The following DOCK6 variants were observed in gnomAD, a reference collection of about 807,000 sequenced individuals.
DOCK6 encodes dedicator of cytokinesis protein 6.
In DOCK6, 167 loss-of-function variants were observed where a neutral mutation model predicts 230.3. That is an observed-to-expected ratio of 0.73 (90% confidence interval 0.64 to 0.82). DOCK6 has a LOEUF of 0.82. Among genes scored for constraint, DOCK6 ranks in the 40% least tolerant of loss-of-function variants. DOCK6 has a pLI of 0.00. For missense variants in DOCK6, 2,598 were observed against 2,825.8 expected, an observed-to-expected ratio of 0.92 and a Z score of 1.83; for synonymous variants, 1,148 against 1,185.0, an observed-to-expected ratio of 0.97 and a Z score of 0.64.
intron 24 of DOCK6, among the ~76,000 whole-genome samples, chr19:11,224,165 T>G (rs1401789366): frequency 6.7e-6 from 1 of 149,854 alleles, no homozygotes; most frequent in African/African-American, 2.5e-5. Context: ...TTGCAATTAC[T>G]TTCAATGGCA....
At chr19:11,207,337 G>C (rs911841265) in intron 39 of DOCK6, among the ~76,000 whole-genome samples, 1 of 152,012 alleles carries the variant, frequency 6.6e-6, no homozygotes, top group Non-Finnish European at 1.5e-5. Flanking sequence ...TGGGACTACA[G>C]GTGCATGCCA....
At position 11,215,489 on chromosome 19, in the gene DOCK6, A is replaced by G. The variant is rs775836085; in HGVS notation, c.4022-18T>C. 6 of 1,604,578 alleles carry G rather than the reference A, an allele frequency of 3.7e-6. No individual in the cohort carries two copies. In the Admixed American group the frequency reaches 1.0e-4, roughly 27 times the overall value. ...GCTCCTCTCTGAGACGCGTGGGTGC[A>G]CGATCACAGATGCGTAAAAACACAG... is the stretch of plus-strand genomic sequence containing the variant. On this transcript the variant is annotated intron_variant, in intron 31 of 47. Transcript: ENST00000294618.
Position 11,243,932 on chromosome 19 carries a change from TC to T in DOCK6, c.1024-51del. 1 of 1,559,340 alleles carries T rather than the reference TC, an allele frequency of 6.4e-7. No individual in the cohort carries two copies. Reference sequence around the variant, plus strand: ...GTGAGGCGCTGCCCGAACGCTCTGTTCCCCCGTGCTGGCTCCCCAGCCTCCT... The same window carrying T: ...GTGAGGCGCTGCCCGAACGCTCTGTTCCCCGTGCTGGCTCCCCAGCCTCCT... On this transcript the variant is annotated intron_variant, in intron 9 of 47. Coordinates refer to ENST00000294618, the MANE Select transcript of DOCK6 (RefSeq NM_020812.4). The surrounding 1 kb of genome is among the most constrained non-coding windows in gnomAD (Gnocchi z 6.3).
intron 41 of DOCK6, among the ~76,000 whole-genome samples, chr19:11,203,024 G>C (rs940240378): frequency 3.3e-5 from 5 of 152,136 alleles, no homozygotes; most frequent in African/African-American, 9.7e-5. Context: ...TGCCTCCTTT[G>C]TTCTAGGGCA....
intron 28 of DOCK6, among the ~76,000 whole-genome samples, chr19:11,218,637 G>A (rs952365750): frequency 2.0e-5 from 3 of 151,736 alleles, no homozygotes; most frequent in Non-Finnish European, 2.9e-5. Context: ...TTGCAGAGAC[G>A]TGGTCTCACT....
Position 11,241,554 on chromosome 19 carries a change from G to A in DOCK6, c.1643+491C>T, listed in dbSNP as rs772769447. On this transcript the variant is annotated intron_variant, in intron 14 of 47. Transcript: ENST00000294618. ...CATCGGCTGCGACAGATCCAGGAGA[G>A]GTGAGCCTGGCAGGGGTTTGGCAGG... is the stretch of plus-strand genomic sequence containing the variant. 39 of 1,553,616 alleles carry A rather than the reference G, an allele frequency of 2.5e-5. No homozygotes were observed. The East Asian group carries it at 8.5e-4, about 34-fold the overall frequency.
chr19:11,257,508 G>C (rs748336216), intron 1 of DOCK6, among the ~76,000 whole-genome samples: 624 of 56,538 alleles, frequency 0.011, no homozygotes, highest in Middle Eastern at 0.019. Context: ...AAAAAAAAAA[G>C]CTGGGCACTG....
chr19:11,202,160 C>A lies in DOCK6; in HGVS notation c.5452-35G>T. The A allele has an allele frequency of 6.2e-7, 1 of 1,601,662 alleles. No homozygotes were observed. Among genetic ancestry groups the A allele is most frequent in the South Asian group, 1.1e-5 (1 of 90,586 alleles). ...GGGTCAGGTGTGAGGATCCCACAGC[C>A]CCAGCACGCACAGCCCAAGCCCTGT... On this transcript the variant is annotated intron_variant, in intron 43 of 47. Transcript: ENST00000294618. This position sits in a 1 kb window ranked among gnomAD's most constrained non-coding sequence, Gnocchi z 5.3.
chr19:11,235,861 C>A, intron 20 of DOCK6, 102 bp from the exon 21 acceptor site: 228 of 1,162,360 alleles, frequency 2.0e-4, no homozygotes, highest in Middle Eastern at 2.7e-4. Flanking sequence ...ATCATGTGCT[C>A]ATTAAGGGGT....
rs1458095838 is a variant in DOCK6, at chr19:11,251,205, G to T, written c.508-119C>A. ...GGAAATTGAGGGTCAGGGGGTGAGG[G>T]TCATCACTCTAAGGGTCACCTGGGG... On this transcript the variant is annotated intron_variant, in intron 5 of 47. Transcript: ENST00000294618. 5.8e-6 allele frequency: 6 copies of T among 1,041,810 alleles called. No individual in the cohort carries two copies. The Admixed American group carries it at 1.0e-4, about 18-fold the overall frequency. The allele number at this position is 1,041,810 out of a possible 1,614,324, so 64.5% of individuals were successfully genotyped here.
At chr19:11,241,867 T>A (rs370083016) in intron 14 of DOCK6, 178 bp downstream of exon 14, 1 of 1,272,014 alleles carries the variant, frequency 7.9e-7, no homozygotes, top group Admixed American at 2.1e-5. Flanking sequence ...TGTAGCCCCA[T>A]TGGGGAGGGG....
chr19:11,238,072 G>T lies in DOCK6; in HGVS notation c.1805C>A (p.Ala602Asp), dbSNP rs1301834205. The T allele has an allele frequency of 6.2e-7, 1 of 1,613,902 alleles. No homozygotes were observed. The highest frequency in any genetic ancestry group is 1.3e-5 in the African/African-American group (1 of 75,028). The change falls in exon 16 of 48, where the codon GCC becomes GAC. Residue 602 changes from alanine to aspartate, a missense_variant. By Grantham distance (126) the Ala-to-Asp change is moderately radical. Coordinates refer to ENST00000294618, the MANE Select transcript of DOCK6 (RefSeq NM_020812.4). ...KSSCSEFTRE[A>D]FTPVVYHNKS... ...GTTATGGTAGACCACCGGTGTGAAG[G>T]CCTCGCGGGTAAATTCACTGCAGCT...
rs1333329754 is a variant in DOCK6 at position 11,212,110 on chromosome 19, CGA to C, written c.4531_4532del (p.Ser1511ValfsTer11). The C allele has an allele frequency of 1.1e-5, 18 of 1,611,918 alleles. No individual in the cohort carries two copies. The highest frequency in any genetic ancestry group is 2.7e-5 in the African/African-American group (2 of 74,820). Reference protein sequence around the residue: ...RVKMQVTMSLSSLVGTTQNFS... With the variant: ...RVKMQVTMSLXSLVGTTQNFS... Reference sequence around the variant, plus strand: ...AGTTCTGCGTCGTCCCCACCAGGGACGAGAGAGACATGGTGACCTGCATCTTC... The same window carrying C: ...AGTTCTGCGTCGTCCCCACCAGGGACGAGAGACATGGTGACCTGCATCTTC... On this transcript the variant is annotated frameshift_variant, in exon 36 of 48. Coordinates refer to ENST00000294618, the MANE Select transcript of DOCK6 (RefSeq NM_020812.4). LOFTEE classifies it high-confidence loss of function.
At chr19:11,256,104 C>G (rs2080193636) in intron 1 of DOCK6, among the ~76,000 whole-genome samples, 2 of 152,148 alleles carry the variant, frequency 1.3e-5, no homozygotes, top group Non-Finnish European at 2.9e-5. Flanking sequence ...TTGCTCTTAA[C>G]AGTCTTGGAG....
At chr19:11,215,254 A>G in intron 32 of DOCK6, 133 bp downstream of exon 32, 1 of 759,870 alleles carries the variant, frequency 1.3e-6, no homozygotes, top group Admixed American at 2.5e-5. Context: ...ATGCCCGGCT[A>G]ATTTTTAAAT....
Position 11,209,114 on chromosome 19 carries a change from G to A in DOCK6, c.4752-11C>T, listed in dbSNP as rs754453063. The A allele has an allele frequency of 4.4e-6, 7 of 1,608,914 alleles. No homozygotes were observed. The African/African-American group carries it at 9.4e-5, about 22-fold the overall frequency. Reference sequence around the variant, plus strand: ...TAGCCCCGGGCAATTCTGGAGTCCAGGTGAGGGGGGATGTGAGGAGGGGAC... The same window carrying A: ...TAGCCCCGGGCAATTCTGGAGTCCAAGTGAGGGGGGATGTGAGGAGGGGAC... On this transcript the variant is annotated splice_polypyrimidine_tract_variant and intron_variant, in intron 37 of 47. Transcript: ENST00000294618.
Position 11,222,970 on chromosome 19 carries a change from A to C in DOCK6, c.3069+23T>G. ...TCCGCCTTCCATCCATGCCATGCCCACCCTGCCCACGCCCACTCCTACCTG... is the reference window on the plus strand; with the variant it reads ...TCCGCCTTCCATCCATGCCATGCCCCCCCTGCCCACGCCCACTCCTACCTG... On this transcript the variant is annotated intron_variant, in intron 25 of 47. Coordinates refer to ENST00000294618, the MANE Select transcript of DOCK6 (RefSeq NM_020812.4). This position sits in a 1 kb window ranked among gnomAD's most constrained non-coding sequence, Gnocchi z 4.0. The C allele has an allele frequency of 6.2e-7, 1 of 1,613,592 alleles. No individual in the cohort carries two copies.
intron 28 of DOCK6, among the ~76,000 whole-genome samples, chr19:11,220,761 T>C (rs867933335): frequency 6.6e-6 from 1 of 151,318 alleles, no homozygotes; most frequent in Non-Finnish European, 1.5e-5. Flanking sequence ...CAACAGGGAA[T>C]TGGGATCTAC....
rs1385117987 is a variant in DOCK6, at chr19:11,201,091, T to C, written c.5689-39A>G. The stretch of plus-strand genomic sequence containing the variant: ...GGAGGGGTGTGTACTCGCTGGGGCC[T>C]GAGGAGGTCCTGATCGAAGCCAGTC... On this transcript the variant is annotated intron_variant, in intron 44 of 47. Coordinates refer to ENST00000294618, the MANE Select transcript of DOCK6 (RefSeq NM_020812.4). This position sits in a 1 kb window ranked among gnomAD's most constrained non-coding sequence, Gnocchi z 4.3. 4 of 1,608,286 alleles carry C rather than the reference T, an allele frequency of 2.5e-6. No individual in the cohort carries two copies. In the Admixed American group the frequency reaches 5.1e-5, roughly 20 times the overall value.
Sources: allele counts gnomAD v4.1 joint callset (sites outside exome capture counted in the v4.1 genomes callset), GRCh38; gene constraint gnomAD v4.1.1; non-coding constraint Gnocchi (gnomAD v3.1); transcripts MANE v1.5; gene names NCBI Gene and HGNC (gene_info 2026-07-23, HGNC 2026-07-21).